Variants in CELF2 observed in about 807,000 individuals in gnomAD.
CELF2 encodes CUG triplet repeat RNA-binding protein 2.
CELF2 carries 8 observed loss-of-function variants against 62.6 expected under a neutral mutation model. That is an observed-to-expected ratio of 0.13 (90% confidence interval 0.07 to 0.23). The LOEUF is 0.23. Among genes scored for constraint, CELF2 ranks in the 10% least tolerant of loss-of-function variants. The pLI is 1.00. For synonymous variants in CELF2, 258 were observed against 250.0 expected, an observed-to-expected ratio of 1.03 and a Z score of -0.30; for missense variants, 333 against 671.0, an observed-to-expected ratio of 0.50 and a Z score of 5.56.
intron 1 of CELF2, among the ~76,000 whole-genome samples, chr10:10,873,572 G>C (rs115526451): frequency 3.3e-5 from 5 of 152,158 alleles, no homozygotes; most frequent in African/African-American, 1.2e-4. Flanking sequence ...TGCCCCAAGC[G>C]TATTGTTACC....
At chr10:10,688,909 CAGG>C in the CELF2 span, among the ~76,000 whole-genome samples, 2 of 152,032 alleles carry the variant, frequency 1.3e-5, no homozygotes, top group East Asian at 1.9e-4. Flanking sequence ...GAGGCTAAGG[CAGG>C]AGAATTGCTT....
chr10:11,003,035 T>G (rs2054675163), upstream of CELF2, among the ~76,000 whole-genome samples: 1 of 152,222 alleles, frequency 6.6e-6, no homozygotes, highest in Non-Finnish European at 1.5e-5. This position sits in a 1 kb window ranked among gnomAD's most constrained non-coding sequence, Gnocchi z 4.4. Context: ...ATATACACTA[T>G]GTACATGTTA....
chr10:10,500,331 T>C, the CELF2 span, among the ~76,000 whole-genome samples: 7 of 152,342 alleles, frequency 4.6e-5, no homozygotes, highest in South Asian at 6.2e-4. Flanking sequence ...CAAAACTATA[T>C]GATATGGTTT....
At chr10:11,051,412 T>C (rs1206199830) in intron 1 of CELF2, among the ~76,000 whole-genome samples, 1 of 152,228 alleles carries the variant, frequency 6.6e-6, no homozygotes, top group African/African-American at 2.4e-5. Flanking sequence ...TCTGGCAGTA[T>C]CCTTAGCCTA....
At chr10:10,801,416 AC>A (rs2054651284) in intron 1 of CELF2, among the ~76,000 whole-genome samples, 1 of 152,218 alleles carries the variant, frequency 6.6e-6, no homozygotes, top group African/African-American at 2.4e-5. Context: ...TTTACTTGCC[AC>A]CAATAAGTCT....
At chr10:11,174,304 G>C (rs141145397) in intron 2 of CELF2, among the ~76,000 whole-genome samples, 10 of 152,226 alleles carry the variant, frequency 6.6e-5, no homozygotes, top group South Asian at 2.1e-4. Context: ...TGCTGTAAAT[G>C]GAAAAAGGGG....
rs1408111579 is a variant in CELF2, at chr10:11,280,386, G to A, written c.841+5266G>A. ...TGTCCTCACCCAGATGCCCTGGCTGGTGTCCGCACATCAGGCCAGTGCCTT... is the reference window on the plus strand; with the variant it reads ...TGTCCTCACCCAGATGCCCTGGCTGATGTCCGCACATCAGGCCAGTGCCTT... On this transcript the variant is annotated intron_variant, in intron 8 of 12. Coordinates refer to ENST00000633077, the MANE Select transcript of CELF2 (RefSeq NM_001326342.2). The surrounding 1 kb of genome is among the most constrained non-coding windows in gnomAD (Gnocchi z 7.6). Among the ~76,000 whole-genome samples the A allele has an allele frequency of 6.6e-6, 1 of 152,214 alleles. No individual in the cohort carries two copies. Among genetic ancestry groups the A allele is most frequent in the Admixed American group, 6.5e-5 (1 of 15,290 alleles).
chr10:10,740,174 G>A, the CELF2 span, among the ~76,000 whole-genome samples: 2 of 26,836 alleles, frequency 7.5e-5, no homozygotes, highest in Admixed American at 6.5e-4. Context: ...TTTTTTTTTT[G>A]CCTGTCCAAA....
the CELF2 span, among the ~76,000 whole-genome samples, chr10:10,504,919 CT>C: frequency 1.3e-5 from 2 of 151,972 alleles, no homozygotes; most frequent in Non-Finnish European, 1.5e-5. Context: ...CTGAAGCTTT[CT>C]TTTTTTTCCA....
At chr10:11,034,359 TA>T (rs1427895970) in intron 1 of CELF2, among the ~76,000 whole-genome samples, 12 of 127,752 alleles carry the variant, frequency 9.4e-5, no homozygotes, top group African/African-American at 3.1e-4. Context: ...CTTTAATTTT[TA>T]TTTTTTTTTG....
chr10:10,535,723 A>T, the CELF2 span, among the ~76,000 whole-genome samples: 6 of 152,252 alleles, frequency 3.9e-5, no homozygotes, highest in East Asian at 9.7e-4. Flanking sequence ...TTTGTCTCCA[A>T]AAACAAACAA....
intron 1 of CELF2, among the ~76,000 whole-genome samples, chr10:10,859,368 G>A (rs943209841): frequency 2.0e-5 from 3 of 152,094 alleles, no homozygotes; most frequent in Non-Finnish European, 4.4e-5. Context: ...TTAAGAAGAG[G>A]CTAAATGAAG....
At chr10:10,586,631 T>A in the CELF2 span, among the ~76,000 whole-genome samples, 4 of 152,170 alleles carry the variant, frequency 2.6e-5, no homozygotes, top group Non-Finnish European at 5.9e-5. Flanking sequence ...TCCAACCTAA[T>A]CATGCTCACT....
chr10:11,284,001 G>T (rs1590632024), intron 8 of CELF2, among the ~76,000 whole-genome samples: 49 of 145,038 alleles, frequency 3.4e-4, no homozygotes, highest in Middle Eastern at 4.2e-3. Flanking sequence ...GAGTGGATGA[G>T]GGATGAGTGT....
chr10:10,497,350 A>T, the CELF2 span, among the ~76,000 whole-genome samples: 10 of 152,206 alleles, frequency 6.6e-5, no homozygotes, highest in Non-Finnish European at 1.3e-4. Flanking sequence ...AGAATCATGC[A>T]TTCAGTTCAT....
chr10:11,106,130 T>G (rs1023610457), intron 1 of CELF2, among the ~76,000 whole-genome samples: 1 of 152,188 alleles, frequency 6.6e-6, no homozygotes, highest in African/African-American at 2.4e-5. Flanking sequence ...ATTACCCACT[T>G]TACAGACAAG....
chr10:11,101,384 C>T (rs756370240), intron 1 of CELF2, among the ~76,000 whole-genome samples: 1 of 152,096 alleles, frequency 6.6e-6, no homozygotes, highest in Non-Finnish European at 1.5e-5. Context: ...TAATTTCAGC[C>T]ATGGGTGTGA....
At chr10:10,844,025 G>A (rs2058852814) in intron 1 of CELF2, among the ~76,000 whole-genome samples, 1 of 151,712 alleles carries the variant, frequency 6.6e-6, no homozygotes, top group Admixed American at 6.6e-5. Flanking sequence ...TTGACCTCCG[G>A]GAATCTGTCC....
the CELF2 span, among the ~76,000 whole-genome samples, chr10:10,727,259 A>G: frequency 6.6e-6 from 1 of 152,256 alleles, no homozygotes; most frequent in South Asian, 2.1e-4. Context: ...AGGGAAAAAT[A>G]AGATCCCTCT....
Sources: allele counts gnomAD v4.1 joint callset (sites outside exome capture counted in the v4.1 genomes callset), GRCh38; gene constraint gnomAD v4.1.1; non-coding constraint Gnocchi (gnomAD v3.1); transcripts MANE v1.5; gene names NCBI Gene and HGNC (gene_info 2026-07-23, HGNC 2026-07-21).